The following PTPRD variants were observed in gnomAD, a reference collection of about 807,000 sequenced individuals.
PTPRD encodes the protein receptor-type tyrosine-protein phosphatase delta.
PTPRD carries 34 observed loss-of-function variants against 214.5 expected under a neutral mutation model. That is an observed-to-expected ratio of 0.16 (90% confidence interval 0.12 to 0.21). The LOEUF is 0.21. Ranked by LOEUF, PTPRD falls within the 10% of genes least tolerant of loss-of-function variation. The probability of loss-of-function intolerance (pLI) is 1.00; values close to 1 mark genes in which losing one functional copy is unlikely to be tolerated. For synonymous variants in PTPRD, 1,128 were observed against 845.7 expected (o/e 1.33, Z -5.79); for missense variants, 2,545 against 2,398.7 (o/e 1.06, Z -1.27).
At chr9:8,675,059 C>T (rs749761470) in intron 12 of PTPRD, among the ~76,000 whole-genome samples, 5 of 151,926 alleles carry the variant, frequency 3.3e-5, no homozygotes, top group Non-Finnish European at 7.4e-5. Context: ...TGTCAACATC[C>T]ACCTTCTTTA....
chr9:8,940,657 C>A (rs999347173), intron 11 of PTPRD, among the ~76,000 whole-genome samples: 2 of 151,808 alleles, frequency 1.3e-5, no homozygotes, highest in Non-Finnish European at 2.9e-5. Context: ...AGGAATTTTA[C>A]CTCCCACCTG....
chr9:9,034,672 T>G lies in PTPRD; in HGVS notation c.-142-15937A>C, dbSNP rs150705268. On this transcript the variant is annotated intron_variant, in intron 10 of 45. Coordinates refer to ENST00000381196, the MANE Select transcript of PTPRD (RefSeq NM_002839.4). ...AGTGTAGTCAGACTGTGGAGTCAGA[T>G]TCACCCGTGTTCACATCACAGCTCC... 2.2e-3 allele frequency among the ~76,000 whole-genome samples: 331 copies of G among 152,174 alleles called. 1 individual carries two copies. Among genetic ancestry groups the G allele is most frequent in the African/African-American group, 7.5e-3 (313 of 41,530 alleles).
intron 7 of PTPRD, among the ~76,000 whole-genome samples, chr9:9,632,559 G>C (rs907046179): frequency 1.3e-5 from 2 of 151,912 alleles, no homozygotes; most frequent in Non-Finnish European, 2.9e-5. Context: ...CACTTGGTAT[G>C]TGAATTTTTT....
chr9:10,075,399 T>C (rs1013655678), intron 3 of PTPRD, among the ~76,000 whole-genome samples: 5 of 152,082 alleles, frequency 3.3e-5, no homozygotes, highest in African/African-American at 9.6e-5. Flanking sequence ...ATTTACTTAC[T>C]TTATGGCATG....
chr9:9,634,674 T>C (rs1031546031), intron 7 of PTPRD, among the ~76,000 whole-genome samples: 1 of 152,138 alleles, frequency 6.6e-6, no homozygotes, highest in Non-Finnish European at 1.5e-5. Context: ...AAAAGATAAA[T>C]CCAAGAAGCA....
At chr9:9,811,671 C>G (rs1425956971) in intron 5 of PTPRD, among the ~76,000 whole-genome samples, 1 of 152,178 alleles carries the variant, frequency 6.6e-6, no homozygotes, top group African/African-American at 2.4e-5. Flanking sequence ...CAGGCCACTG[C>G]ACTCCAGCCT....
intron 14 of PTPRD, among the ~76,000 whole-genome samples, chr9:8,535,206 C>T (rs977933154): frequency 4.6e-5 from 7 of 151,866 alleles, no homozygotes; most frequent in Non-Finnish European, 1.0e-4. Context: ...TTATTCCAAG[C>T]TCCATCAATA....
chr9:8,936,361 T>C (rs1056697429), intron 11 of PTPRD, among the ~76,000 whole-genome samples: 3 of 131,770 alleles, frequency 2.3e-5, no homozygotes, highest in African/African-American at 8.6e-5. Context: ...GAGGCAGAGG[T>C]TGCGGCAGTG....
At chr9:9,368,571 T>G (rs1271619458) in intron 9 of PTPRD, among the ~76,000 whole-genome samples, 2 of 151,782 alleles carry the variant, frequency 1.3e-5, no homozygotes, top group East Asian at 3.9e-4. Flanking sequence ...GCAATAAAGA[T>G]GACAGTTTGA....
In PTPRD at chr9:9,883,308, C is replaced by T. The variant is rs1363611947; in HGVS notation, c.-368+55199G>A. Reference sequence around the variant, plus strand: ...ATTACTTCCTCTTCATTGATAGTCACTGTCATTTCTTTATTCTGAGAGAAA... The same window carrying T: ...ATTACTTCCTCTTCATTGATAGTCATTGTCATTTCTTTATTCTGAGAGAAA... On this transcript the variant is annotated intron_variant, in intron 5 of 45. Coordinates refer to ENST00000381196, the MANE Select transcript of PTPRD (RefSeq NM_002839.4). Among the ~76,000 whole-genome samples, 4 of 152,136 alleles carry T rather than the reference C, an allele frequency of 2.6e-5. No homozygotes were observed. The East Asian group carries it at 7.7e-4, about 29-fold the overall frequency.
intron 30 of PTPRD, among the ~76,000 whole-genome samples, chr9:8,475,442 A>T (rs536971303): frequency 6.6e-6 from 1 of 152,296 alleles, no homozygotes; most frequent in African/African-American, 2.4e-5. Context: ...GCTCTGGCCA[A>T]GAACTTCTAT....
chr9:9,024,261 A>C (rs1310429558), intron 10 of PTPRD, among the ~76,000 whole-genome samples: 2 of 151,246 alleles, frequency 1.3e-5, no homozygotes, highest in Non-Finnish European at 2.9e-5. Context: ...TAGTTAGTGC[A>C]TAGTTATTTT....
At chr9:9,995,472 C>T (rs572430616) in intron 4 of PTPRD, among the ~76,000 whole-genome samples, 56 of 152,272 alleles carry the variant, frequency 3.7e-4, no homozygotes, top group Middle Eastern at 6.8e-3. Context: ...AAATCTCCCT[C>T]ACGGACATAT....
At chr9:8,867,907 A>AT (rs2098227023) in intron 11 of PTPRD, among the ~76,000 whole-genome samples, 1 of 152,044 alleles carries the variant, frequency 6.6e-6, no homozygotes, top group Non-Finnish European at 1.5e-5. Context: ...GTATAATTGA[A>AT]TTTTTCTAGA....
chr9:9,327,530 T>G (rs2039416), intron 9 of PTPRD, among the ~76,000 whole-genome samples: 1 of 151,938 alleles, frequency 6.6e-6, no homozygotes, highest in African/African-American at 2.4e-5. Context: ...GCAAAGCACA[T>G]AGTATAAAAA....
intron 14 of PTPRD, among the ~76,000 whole-genome samples, chr9:8,572,141 C>A (rs1454862478): frequency 6.6e-6 from 1 of 152,000 alleles, no homozygotes; most frequent in African/African-American, 2.4e-5. Flanking sequence ...ATATAATAGG[C>A]AAGTTCTGAG....
At chr9:9,195,107 TACACACACACAC>T (rs57276075) in intron 9 of PTPRD, among the ~76,000 whole-genome samples, 2 of 141,196 alleles carry the variant, frequency 1.4e-5, no homozygotes, top group Admixed American at 7.3e-5. Flanking sequence ...TATATATATA[TACACACACACAC>T]ATATACATAC....
At chr9:9,331,356 T>C (rs187119766) in intron 9 of PTPRD, among the ~76,000 whole-genome samples, 17 of 152,226 alleles carry the variant, frequency 1.1e-4, no homozygotes, top group Admixed American at 5.9e-4. Context: ...GTAGTATGAT[T>C]GCCTGGCTCA....
At chr9:8,535,077 A>G (rs2076603792) in intron 14 of PTPRD, among the ~76,000 whole-genome samples, 1 of 151,858 alleles carries the variant, frequency 6.6e-6, no homozygotes, top group Non-Finnish European at 1.5e-5. Flanking sequence ...CTTTGAAAGT[A>G]ATAATAGTAC....
Sources: gnomAD v4.1 joint callset for allele counts (sites outside exome capture counted in the v4.1 genomes callset) on GRCh38, gnomAD v4.1.1 for gene constraint, MANE v1.5 for transcripts, NCBI Gene and HGNC (gene_info 2026-07-23, HGNC 2026-07-21) for gene names.